The following VGLL3 variants were observed in gnomAD, a reference collection of about 807,000 sequenced individuals.
The protein encoded by VGLL3 is transcription cofactor vestigial-like protein 3.
In VGLL3, 18 loss-of-function variants were observed where a neutral mutation model predicts 29.2. That is an observed-to-expected ratio of 0.62 (90% CI 0.43 to 0.91). The LOEUF is 0.91. VGLL3 is among the 40% of genes least tolerant of loss of function. The probability of loss-of-function intolerance (pLI) is 0.00; values close to 1 mark genes in which losing one functional copy is unlikely to be tolerated. For synonymous variants in VGLL3, 180 were observed against 151.8 expected (o/e 1.19, Z -1.36); for missense variants, 440 against 413.2 (o/e 1.06, Z -0.56).
rs1705565613 is a variant in VGLL3, at chr3:86,990,676, A to T, written c.68T>A (p.Met23Lys). ...YGASQYLPNP[M>K]AATTCPTAYY... ...GGCTGTGGGGCAGGTTGTCGCTGCC[A>T]TGGGGTTGGGCAGATACTGGGACGC... Residue 23 changes from methionine (M) to lysine (K), a missense_variant, in exon 1 of 4, where the codon ATG becomes AAG. Transcript: ENST00000398399. 2.2e-6 allele frequency: 3 copies of T among 1,348,962 alleles called. No homozygotes were observed. The East Asian group carries it at 9.6e-5, about 43-fold the overall frequency. The allele number at this position is 1,348,962 out of a possible 1,614,324, so 83.6% of individuals were successfully genotyped here.
At chr3:86,966,906 T>TATCC (rs374641181) in intron 3 of VGLL3, among the ~76,000 whole-genome samples, 88 of 148,874 alleles carry the variant, frequency 5.9e-4, no homozygotes, top group African/African-American at 2.1e-3. Context: ...TTATAAATGA[T>TATCC]ATCCAACTGG....
At chr3:86,962,590 T>C (rs964274577) in intron 3 of VGLL3, 3 of 961,044 alleles carry the variant, frequency 3.1e-6, no homozygotes, top group Non-Finnish European at 3.7e-6. Flanking sequence ...ATTTTAAAAA[T>C]TGCATATATA....
At chr3:86,987,208 GT>G (rs1705461325) in intron 1 of VGLL3, among the ~76,000 whole-genome samples, 1 of 152,076 alleles carries the variant, frequency 6.6e-6, no homozygotes, top group Admixed American at 6.6e-5. Context: ...TTGAAGTTAT[GT>G]TTTTCCAGGG....
chr3:86,970,319 C>T (rs1705067256), intron 2 of VGLL3, among the ~76,000 whole-genome samples: 1 of 151,984 alleles, frequency 6.6e-6, no homozygotes, highest in African/African-American at 2.4e-5. Context: ...CAGACATGTG[C>T]AAGGTGACAC....
chr3:86,944,546 C>G lies in VGLL3; in HGVS notation c.*2478G>C, dbSNP rs1251713887. 5 of 152,298 alleles carry G rather than the reference C, an allele frequency of 3.3e-5. No homozygotes were observed. Among genetic ancestry groups the G allele is most frequent in the Non-Finnish European group, 4.4e-5 (3 of 68,152 alleles). 9.4% of individuals were successfully genotyped at this position (152,298 alleles called of 1,614,324 possible). On this transcript the variant is annotated 3_prime_UTR_variant, in exon 4 of 4. Coordinates refer to ENST00000398399, the MANE Select transcript of VGLL3 (RefSeq NM_016206.4). ...GATTACAGGCATGAGCTGCTGTGCC[C>G]AGCCTGGGTCCTGTTTTCAAAGAGA... is the stretch of plus-strand genomic sequence containing the variant.
At chr3:86,951,321 A>T (rs1022741030) in intron 3 of VGLL3, among the ~76,000 whole-genome samples, 2 of 152,164 alleles carry the variant, frequency 1.3e-5, no homozygotes, top group African/African-American at 4.8e-5. Context: ...AAGGCTGGGA[A>T]ATCTAAGATC....
At chr3:86,969,218 T>C (rs1575871244) in intron 2 of VGLL3, 95 bp from the exon 3 acceptor site, 1 of 1,406,398 alleles carries the variant, frequency 7.1e-7, no homozygotes, top group Non-Finnish European at 9.5e-7. Flanking sequence ...CCAATAATAT[T>C]TTACAAGCAG....
chr3:86,979,519 A>C (rs538057397), intron 1 of VGLL3, among the ~76,000 whole-genome samples: 2 of 152,310 alleles, frequency 1.3e-5, no homozygotes, highest in East Asian at 3.9e-4. Flanking sequence ...TAAAAATGAG[A>C]AAGATTTGTT....
intron 2 of VGLL3, among the ~76,000 whole-genome samples, chr3:86,973,844 C>T (rs1169092037): frequency 6.6e-6 from 1 of 152,112 alleles, no homozygotes; most frequent in Non-Finnish European, 1.5e-5. Context: ...ATTTTCTTTG[C>T]AACTGCAATA....
intron 3 of VGLL3, among the ~76,000 whole-genome samples, chr3:86,949,944 G>T (rs1253296387): frequency 6.6e-6 from 1 of 152,228 alleles, no homozygotes; most frequent in South Asian, 2.1e-4. Context: ...AGTACATTTA[G>T]TTTTTCCCAG....
rs200637524 is a variant in VGLL3 at position 86,990,707 on chromosome 3, A to G, written c.37T>C (p.Tyr13His). 472 of 1,421,536 alleles carry G rather than the reference A, an allele frequency of 3.3e-4. 1 individual carries two copies. Among genetic ancestry groups the G allele is most frequent in the Non-Finnish European group, 3.3e-4 (360 of 1,086,362 alleles). The allele number at this position is 1,421,536 out of a possible 1,614,324, so 88.1% of individuals were successfully genotyped here. Residue 13 changes from tyrosine to histidine, a missense_variant, in exon 1 of 4, where the codon TAT becomes CAT. Physicochemically the swap from Tyr to His is moderately conservative, Grantham distance 83. Transcript: ENST00000398399. ...CAEVMYHPQP[Y>H]GASQYLPNPM... ...TTGGGCAGATACTGGGACGCTCCAT[A>G]AGGCTGGGGGTGATACATCACCTCC...
chr3:86,977,212 G>GAAGGA (rs1408022056), intron 2 of VGLL3, among the ~76,000 whole-genome samples: 11 of 152,100 alleles, frequency 7.2e-5, no homozygotes, highest in Admixed American at 7.2e-4. Context: ...AGAAAAAAAA[G>GAAGGA]AAGGAGAGGA....
chr3:86,979,460 G>A (rs1019703655), intron 1 of VGLL3, among the ~76,000 whole-genome samples: 8 of 151,988 alleles, frequency 5.3e-5, no homozygotes, highest in East Asian at 3.8e-4. Context: ...ATTTCATTAT[G>A]GCTTAGTGAA....
chr3:86,941,286 A>G lies in VGLL3; in HGVS notation c.*5738T>C, dbSNP rs1704392081. The G allele has an allele frequency of 6.6e-6, 1 of 152,452 alleles. No homozygotes were observed. The highest frequency in any genetic ancestry group is 2.1e-4 in the South Asian group (1 of 4,830). 9.4% of individuals were successfully genotyped at this position (152,452 alleles called of 1,614,324 possible). A position where few individuals can be genotyped will look rare whatever the true frequency, so the allele number is the denominator to read the frequency against. On this transcript the variant is annotated 3_prime_UTR_variant, in exon 4 of 4. Coordinates refer to ENST00000398399, the MANE Select transcript of VGLL3 (RefSeq NM_016206.4). ...TCAATTGTGTAAATAATCATTATTA[A>G]CTTTTGCTCTAGCCACGGCATAGAA... is the stretch of plus-strand genomic sequence containing the variant.
rs1705014818 is a variant in VGLL3 at position 86,968,653 on chromosome 3, A to C, written c.874T>G (p.Ser292Ala). ...CCATGAAAGGCTCCAGCCCATGCTG[A>C]GGTAGCAGAGGTGACTGTAGTTGGT... Reference protein sequence around the residue: ...TEPTTVTSATSAWAGAFHGTV... With the variant: ...TEPTTVTSATAAWAGAFHGTV... The change falls in exon 3 of 4, where the codon TCA becomes GCA. Residue 292 changes from serine (S) to alanine (A), a missense_variant. Ser to Ala is a moderately conservative substitution (Grantham distance 99). Transcript: ENST00000398399. 1.2e-6 allele frequency: 2 copies of C among 1,614,158 alleles called. No homozygotes were observed. Among genetic ancestry groups the C allele is most frequent in the East Asian group, 4.5e-5 (2 of 44,880 alleles).
chr3:86,939,816 A>G lies in VGLL3; in HGVS notation c.*7208T>C, dbSNP rs1704356189. 2 of 152,216 alleles carry G rather than the reference A, an allele frequency of 1.3e-5. No homozygotes were observed. Among genetic ancestry groups the G allele is most frequent in the Admixed American group, 1.3e-4 (2 of 15,274 alleles). 9.4% of individuals were successfully genotyped at this position (152,216 alleles called of 1,614,324 possible). A position where few individuals can be genotyped will look rare whatever the true frequency, so the allele number is the denominator to read the frequency against. ...CCAGGTTGCTGGATTTGAAGATGGA[A>G]GGAAACTAAGCAAAGGACTCTAGAA... On this transcript the variant is annotated 3_prime_UTR_variant, in exon 4 of 4. Coordinates refer to ENST00000398399, the MANE Select transcript of VGLL3 (RefSeq NM_016206.4).
chr3:86,970,879 G>T (rs1705087579), intron 2 of VGLL3, among the ~76,000 whole-genome samples: 1 of 151,948 alleles, frequency 6.6e-6, no homozygotes, highest in Non-Finnish European at 1.5e-5. Context: ...ATCTTTCCAT[G>T]GTTTACTTTC....
intron 2 of VGLL3, 84 bp from the exon 3 acceptor site, chr3:86,969,207 TC>T: frequency 7.0e-7 from 1 of 1,433,530 alleles, no homozygotes; most frequent in Admixed American, 2.3e-5. Flanking sequence ...ACTCTAATTG[TC>T]CAATAATATT....
rs575067296 is a variant in VGLL3, at chr3:86,941,462, A to C, written c.*5562T>G. 26 of 152,168 alleles carry C rather than the reference A, an allele frequency of 1.7e-4. No individual in the cohort carries two copies. The highest frequency in any genetic ancestry group is 6.3e-4 in the African/African-American group (26 of 41,504). The allele number at this position is 152,168 out of a possible 1,614,324, so 9.4% of individuals were successfully genotyped here. On this transcript the variant is annotated 3_prime_UTR_variant, in exon 4 of 4. Coordinates refer to ENST00000398399, the MANE Select transcript of VGLL3 (RefSeq NM_016206.4). ...AGTCTAGAAATTGTTTTTTTTTTTA[A>C]AAAAACAAATTGATGATTACTTATC...
Sources: allele counts gnomAD v4.1 joint callset (sites outside exome capture counted in the v4.1 genomes callset), GRCh38; gene constraint gnomAD v4.1.1; transcripts MANE v1.5; gene names NCBI Gene and HGNC (gene_info 2026-07-23, HGNC 2026-07-21).